The following ZFHX2 variants were observed in gnomAD, a reference collection of about 807,000 sequenced individuals.
ZFHX2 encodes zinc finger homeobox 2, also known as zinc finger homeobox protein 2.
In ZFHX2, 75 loss-of-function variants were observed where a neutral mutation model predicts 164.8. The ratio of observed to expected loss-of-function variants is 0.46; its 90% CI spans 0.38 to 0.55. The LOEUF (loss-of-function observed/expected upper bound fraction) is 0.55, where lower values mean the gene tolerates loss of function less well. Ranked by LOEUF, ZFHX2 falls within the 20% of genes least tolerant of loss-of-function variation. ZFHX2 has a pLI of 0.00. For missense variants in ZFHX2, 2,933 were observed against 3,308.0 expected (o/e 0.89, Z 2.78); for synonymous variants, 1,217 against 1,351.4 (o/e 0.90, Z 2.18).
At chr14:23,550,283 G>A (rs1425290822) in intron 1 of ZFHX2, among the ~76,000 whole-genome samples, 2 of 152,238 alleles carry the variant, frequency 1.3e-5, no homozygotes, top group African/African-American at 4.8e-5. Context: ...AGACACATTT[G>A]CTCCATCATC....
At chr14:23,547,419 T>A (rs574616896) in intron 1 of ZFHX2, among the ~76,000 whole-genome samples, 1 of 152,360 alleles carries the variant, frequency 6.6e-6, no homozygotes, top group South Asian at 2.1e-4. Flanking sequence ...GGATGCTACT[T>A]TTAATTCACA....
chr14:23,533,969 G>A lies in ZFHX2; in HGVS notation c.1357C>T (p.Leu453Phe), dbSNP rs1262779194. 5 of 1,537,776 alleles carry A rather than the reference G, an allele frequency of 3.3e-6. No individual in the cohort carries two copies. Among genetic ancestry groups the A allele is most frequent in the Non-Finnish European group, 3.5e-6 (4 of 1,147,010 alleles). Residue 453 changes from leucine (L) to phenylalanine (F), a missense_variant, in exon 2 of 10, where the codon CTC (leucine) becomes TTC (phenylalanine). Coordinates refer to ENST00000419474, the MANE Select transcript of ZFHX2 (RefSeq NM_033400.3). This position sits in a 1 kb window ranked among gnomAD's most constrained non-coding sequence, Gnocchi z 4.8. ...LLHSRNSCKT[L>F]KCPKCNWHYK... ...TGCCAGTTGCACTTGGGACACTTGA[G>A]TGTCTTGCAGGAGTTGCGTGAGTGG...
Position 23,535,224 on chromosome 14 carries a change from A to G in ZFHX2, c.102T>C (p.Ser34=). The G allele has an allele frequency of 6.6e-7, 1 of 1,525,588 alleles. No individual in the cohort carries two copies. The highest frequency in any genetic ancestry group is 8.8e-7 in the Non-Finnish European group (1 of 1,138,440). 94.5% of individuals were successfully genotyped at this position (1,525,588 alleles called of 1,614,324 possible). ...CAGGGGGATCTTTGGTGACAGGATC[A>G]GAGGGGGTGCTGGAGGAGAAGGTGT... ...PSDTFSSSTP[S]DPVTKDPPAA... is the part of the protein sequence containing the mutation. Residue 34 remains serine, a synonymous_variant, in exon 2 of 10, where the codon TCT becomes TCC. Coordinates refer to ENST00000419474, the MANE Select transcript of ZFHX2 (RefSeq NM_033400.3). This position sits in a 1 kb window ranked among gnomAD's most constrained non-coding sequence, Gnocchi z 4.5.
At position 23,525,542 on chromosome 14, in the gene ZFHX2, G is replaced by T; in HGVS notation, c.4400C>A (p.Thr1467Asn). ...EGKQAVPPPP[T>N]PPPPEALGGG... ...CCCGAGGGCCTCAGGTGGGGGTGGG[G>T]TAGGGGGAGGGGGCACAGCTTGCTT... The change falls in exon 9 of 10, where the codon ACC becomes AAC. Residue 1467 changes from threonine to asparagine, a missense_variant. Physicochemically the swap from Thr to Asn is moderately conservative, Grantham distance 65. Transcript: ENST00000419474. This position sits in a 1 kb window ranked among gnomAD's most constrained non-coding sequence, Gnocchi z 5.9. 6.5e-7 allele frequency: 1 copy of T among 1,535,378 alleles called. No homozygotes were observed. The highest frequency in any genetic ancestry group is 8.7e-7 in the Non-Finnish European group (1 of 1,146,896).
At chr14:23,555,045 T>C (rs2138971179), upstream of ZFHX2, among the ~76,000 whole-genome samples, 1 of 152,334 alleles carries the variant, frequency 6.6e-6, no homozygotes, top group East Asian at 1.9e-4. Flanking sequence ...TGGAGTGCAG[T>C]GGCGCCATCT....
At chr14:23,531,902 G>A (rs1423467422) in intron 3 of ZFHX2, 181 bp from the exon 4 acceptor site, 11 of 772,030 alleles carry the variant, frequency 1.4e-5, no homozygotes, top group African/African-American at 3.6e-5. Flanking sequence ...TCAGCCTCCC[G>A]AGTAGCTGGG....
intron 3 of ZFHX2, chr14:23,532,174 T>G: frequency 6.6e-6 from 1 of 151,558 alleles, no homozygotes; most frequent in Non-Finnish European, 1.4e-5. Flanking sequence ...TTCCCTCCTA[T>G]GGCCACCTAA....
intron 1 of ZFHX2, among the ~76,000 whole-genome samples, chr14:23,550,765 G>A (rs530807322): frequency 6.6e-6 from 1 of 152,146 alleles, no homozygotes; most frequent in East Asian, 1.9e-4. Context: ...TTCAAAAAAA[G>A]GAATGGAAAG....
At position 23,531,622 on chromosome 14, in the gene ZFHX2, G is replaced by A; in HGVS notation, c.2659C>T (p.Gln887Ter). ...CGGTGGGCAGGTGTGCGCAGGTGTT[G>A]CAGCACAGCCAAGCGGGAGGGTGTC... is the stretch of plus-strand genomic sequence containing the variant. ...WETPSRLAVLQHLRTPAHRDA... is the reference protein window; with the variant it reads ...WETPSRLAVL Residue 887 changes from glutamine to a stop codon, truncating the protein, a stop_gained, in exon 4 of 10, where the codon CAA becomes TAA. Transcript: ENST00000419474. LOFTEE classifies it high-confidence loss of function. The A allele has an allele frequency of 6.6e-7, 1 of 1,524,014 alleles. No individual in the cohort carries two copies. Among genetic ancestry groups the A allele is most frequent in the Non-Finnish European group, 8.8e-7 (1 of 1,139,252 alleles). The allele number at this position is 1,524,014 out of a possible 1,614,324, so 94.4% of individuals were successfully genotyped here.
intron 1 of ZFHX2, among the ~76,000 whole-genome samples, chr14:23,540,576 G>C (rs1225921179): frequency 6.6e-6 from 1 of 152,196 alleles, no homozygotes; most frequent in East Asian, 1.9e-4. Flanking sequence ...ACTATAACTA[G>C]ATGAGCTCTA....
In ZFHX2 at chr14:23,524,475, A is replaced by AG; in HGVS notation, c.5466dup (p.Ser1823LeufsTer13). 6.5e-7 allele frequency: 1 copy of AG among 1,532,956 alleles called. No individual in the cohort carries two copies. The highest frequency in any genetic ancestry group is 1.2e-5 in the South Asian group (1 of 83,602). The allele number at this position is 1,532,956 out of a possible 1,614,324, so 95.0% of individuals were successfully genotyped here. A position where few individuals can be genotyped will look rare whatever the true frequency, so the allele number is the denominator to read the frequency against. ...TTGAGAGGTGGACCTGGCATTGGTG[A>AG]GGTGGCTGCCACCAGGGGGTTTCTC... On this transcript the variant is annotated frameshift_variant, in exon 9 of 10. Transcript: ENST00000419474. LOFTEE classifies it high-confidence loss of function. This position sits in a 1 kb window ranked among gnomAD's most constrained non-coding sequence, Gnocchi z 5.6.
intron 4 of ZFHX2, 121 bp from the exon 5 acceptor site, chr14:23,530,315 G>T: frequency 1.3e-6 from 1 of 766,836 alleles, no homozygotes; most frequent in Non-Finnish European, 2.2e-6. Context: ...GGCTCAATCA[G>T]CAGGTAGGAG....
rs190604162 is a variant in ZFHX2 at position 23,550,585 on chromosome 14, A to G, written c.-50+758T>C. ...AAAACCAAAAGTCAGGGACACATGGACAGAGATCAGCGGGGCTACAGGCAC... is the reference window on the plus strand; with the variant it reads ...AAAACCAAAAGTCAGGGACACATGGGCAGAGATCAGCGGGGCTACAGGCAC... On this transcript the variant is annotated intron_variant, in intron 1 of 9. Coordinates refer to ENST00000419474, the MANE Select transcript of ZFHX2 (RefSeq NM_033400.3). Among the ~76,000 whole-genome samples the G allele has an allele frequency of 2.6e-5, 4 of 152,324 alleles. No individual in the cohort carries two copies. In the East Asian group the frequency reaches 7.7e-4, roughly 29 times the overall value.
At chr14:23,543,001 G>GC (rs1880993387) in intron 1 of ZFHX2, 1 of 152,192 alleles carries the variant, frequency 6.6e-6, no homozygotes, top group Non-Finnish European at 1.5e-5. Flanking sequence ...GGGATTACAG[G>GC]CGTGAGCCAC....
chr14:23,554,858 AC>A (rs1423382063), upstream of ZFHX2, among the ~76,000 whole-genome samples: 2 of 152,314 alleles, frequency 1.3e-5, no homozygotes, highest in Non-Finnish European at 2.9e-5. Context: ...GAGCTTCCTC[AC>A]ATGGAAGGTC....
rs748728462 is a variant in ZFHX2 at position 23,524,801 on chromosome 14, ACCTCTTCCTCCTCTTCCCCTCTCTCTG to A, written c.5114_5140del (p.Ala1705_Glu1713del). ...TTCCTCCTCTACTTCTTCTTCTTCC[ACCTCTTCCTCCTCTTCCCCTCTCTCTG>A]CCTCTTCCTCCTCCTCTTCAAGGGT... On this transcript the variant is annotated inframe_deletion, in exon 9 of 10. Coordinates refer to ENST00000419474, the MANE Select transcript of ZFHX2 (RefSeq NM_033400.3). The surrounding 1 kb of genome is among the most constrained non-coding windows in gnomAD (Gnocchi z 5.6). 8.5e-6 allele frequency: 13 copies of A among 1,535,794 alleles called. No homozygotes were observed. The highest frequency in any genetic ancestry group is 8.3e-5 in the South Asian group (7 of 84,006).
At chr14:23,531,976 A>G in intron 3 of ZFHX2, 1 of 304,914 alleles carries the variant, frequency 3.3e-6, no homozygotes, top group Non-Finnish European at 5.6e-6. Flanking sequence ...GGGTTTCACC[A>G]TGTTGGCCAG....
Position 23,524,630 on chromosome 14 carries a change from C to T in ZFHX2, c.5312G>A (p.Cys1771Tyr). 6.5e-7 allele frequency: 1 copy of T among 1,536,352 alleles called. No homozygotes were observed. The highest frequency in any genetic ancestry group is 1.2e-5 in the South Asian group (1 of 84,048). The change falls in exon 9 of 10, where the codon TGT becomes TAT. Residue 1771 changes from cysteine (C) to tyrosine (Y), a missense_variant. Transcript: ENST00000419474. This position sits in a 1 kb window ranked among gnomAD's most constrained non-coding sequence, Gnocchi z 5.6. ...ATPSPSPAHT[C>Y]DQCAISFSSQ... ...GGAGAAAGAAATGGCACACTGGTCA[C>T]AGGTATGGGCTGGGGAAGGTGATGG...
At position 23,534,492 on chromosome 14, in the gene ZFHX2, G is replaced by C. The variant is rs201469677; in HGVS notation, c.834C>G (p.Leu278=). 1 of 1,536,244 alleles carries C rather than the reference G, an allele frequency of 6.5e-7. No individual in the cohort carries two copies. Among genetic ancestry groups the C allele is most frequent in the South Asian group, 1.2e-5 (1 of 84,066 alleles). ...YQGLSGSPAV[L]QEGDEGCKAL... ...CCTTGCAGCCTTCATCTCCCTCCTG[G>C]AGTACAGCTGGGCTACCTGACAGGC... Residue 278 remains leucine (L), a synonymous_variant, in exon 2 of 10, where the codon CTC becomes CTG. Transcript: ENST00000419474. The surrounding 1 kb of genome is among the most constrained non-coding windows in gnomAD (Gnocchi z 4.5).
Sources: allele counts gnomAD v4.1 joint callset (sites outside exome capture counted in the v4.1 genomes callset), GRCh38; gene constraint gnomAD v4.1.1; non-coding constraint Gnocchi (gnomAD v3.1); transcripts MANE v1.5; gene names NCBI Gene and HGNC (gene_info 2026-07-23, HGNC 2026-07-21).